EPS8: variants seen among roughly 807,000 people sequenced by gnomAD.
EPS8 encodes EGFR pathway substrate 8, signaling adaptor, also known as epidermal growth factor receptor kinase substrate 8.
Under a neutral mutation model 103.8 loss-of-function variants are expected in EPS8, and 42 were observed. The observed-to-expected ratio is 0.40, with a 90% CI of 0.32 to 0.52. The LOEUF (loss-of-function observed/expected upper bound fraction) is 0.52, where lower values mean the gene tolerates loss of function less well. Ranked by LOEUF, EPS8 falls within the 20% of genes least tolerant of loss-of-function variation. EPS8 has a pLI of 0.40. For missense variants in EPS8, 969 were observed against 1,005.1 expected, an observed-to-expected ratio of 0.96 and a Z score of 0.49; for synonymous variants, 344 against 344.6, an observed-to-expected ratio of 1.00 and a Z score of 0.02.
In EPS8 at chr12:15,760,839, T is replaced by C. The variant is rs1242635936; in HGVS notation, c.-22+28322A>G. 6.6e-6 allele frequency among the ~76,000 whole-genome samples: 1 copy of C among 152,094 alleles called. No individual in the cohort carries two copies. Among genetic ancestry groups the C allele is most frequent in the Non-Finnish European group, 1.5e-5 (1 of 67,962 alleles). On this transcript the variant is annotated intron_variant, in intron 1 of 20. Coordinates refer to ENST00000281172, the MANE Select transcript of EPS8 (RefSeq NM_004447.6). The surrounding 1 kb of genome is among the most constrained non-coding windows in gnomAD (Gnocchi z 4.5). ...CCATATATGACAGTCCCACAACTAGTATCATATTGAATGGGGAAAACCTGA... is the reference window on the plus strand; with the variant it reads ...CCATATATGACAGTCCCACAACTAGCATCATATTGAATGGGGAAAACCTGA...
rs1946306883 is a variant in EPS8 at position 15,701,150 on chromosome 12, G to C, written c.-21-18178C>G. On this transcript the variant is annotated intron_variant, in intron 1 of 20. Transcript: ENST00000281172. The surrounding 1 kb of genome is among the most constrained non-coding windows in gnomAD (Gnocchi z 5.1). ...TAAAAGGTAATTCTTTTCTCTCTCT[G>C]AATCAACTGTGTCACCAATATTTAA... Among the ~76,000 whole-genome samples the C allele has an allele frequency of 6.6e-6, 1 of 152,076 alleles. No individual in the cohort carries two copies. Among genetic ancestry groups the C allele is most frequent in the Non-Finnish European group, 1.5e-5 (1 of 68,016 alleles).
intron 1 of EPS8, among the ~76,000 whole-genome samples, chr12:15,691,524 C>T (rs549668786): frequency 2.6e-5 from 4 of 152,196 alleles, no homozygotes; most frequent in East Asian, 3.9e-4. Context: ...GGGCTGGAAG[C>T]GGGAGACATT....
In EPS8 at chr12:15,761,335, A is replaced by C. The variant is rs764774299; in HGVS notation, c.-22+27826T>G. Among the ~76,000 whole-genome samples, 1 of 152,156 alleles carries C rather than the reference A, an allele frequency of 6.6e-6. No individual in the cohort carries two copies. The highest frequency in any genetic ancestry group is 1.5e-5 in the Non-Finnish European group (1 of 68,012). ...CTATGTTCATGGATTGAAAGAATCA[A>C]TATTGTTAAAATTTCCATACTTCCC... On this transcript the variant is annotated intron_variant, in intron 1 of 20. Transcript: ENST00000281172. The surrounding 1 kb of genome is among the most constrained non-coding windows in gnomAD (Gnocchi z 4.5).
intron 3 of EPS8, among the ~76,000 whole-genome samples, chr12:15,673,855 C>T (rs1054914761): frequency 2.0e-5 from 3 of 152,260 alleles, no homozygotes; most frequent in Non-Finnish European, 2.9e-5. Context: ...CTCTCTTTCT[C>T]GCTCAGAATC....
At chr12:15,651,583 C>A (rs1945415905) in intron 13 of EPS8, among the ~76,000 whole-genome samples, 1 of 152,172 alleles carries the variant, frequency 6.6e-6, no homozygotes, top group East Asian at 1.9e-4. Flanking sequence ...GTAAACTAAT[C>A]TGTAATCACA....
chr12:15,634,808 C>T (rs1056439944), intron 17 of EPS8: 1 of 398,542 alleles, frequency 2.5e-6, no homozygotes. Flanking sequence ...AAAATTAATA[C>T]AGGAAATGGA....
In EPS8 at chr12:15,684,633, A is replaced by T. The variant is rs1946065399; in HGVS notation, c.-21-1661T>A. Reference sequence around the variant, plus strand: ...ATAGTAAGGAATTAAGTCCCAACATATGTAGCTCTATTTTAAATCTGCTAG... The same window carrying T: ...ATAGTAAGGAATTAAGTCCCAACATTTGTAGCTCTATTTTAAATCTGCTAG... On this transcript the variant is annotated intron_variant, in intron 1 of 20. Transcript: ENST00000281172. This position sits in a 1 kb window ranked among gnomAD's most constrained non-coding sequence, Gnocchi z 4.9. 6.6e-6 allele frequency among the ~76,000 whole-genome samples: 1 copy of T among 152,038 alleles called. No individual in the cohort carries two copies. Among genetic ancestry groups the T allele is most frequent in the African/African-American group, 2.4e-5 (1 of 41,312 alleles).
chr12:15,745,651 C>T lies in EPS8; in HGVS notation c.-22+43510G>A, dbSNP rs1028617029. ...CAATCATTGCTAGCAAAATATAGAC[C>T]TCCCATTGTTCACTTTCAAATCCTT... On this transcript the variant is annotated intron_variant, in intron 1 of 20. Transcript: ENST00000281172. This position sits in a 1 kb window ranked among gnomAD's most constrained non-coding sequence, Gnocchi z 4.6. Among the ~76,000 whole-genome samples the T allele has an allele frequency of 6.6e-6, 1 of 151,884 alleles. No individual in the cohort carries two copies. Among genetic ancestry groups the T allele is most frequent in the African/African-American group, 2.4e-5 (1 of 41,350 alleles).
chr12:15,645,970 A>G (rs1043780850), intron 15 of EPS8, among the ~76,000 whole-genome samples: 7 of 152,206 alleles, frequency 4.6e-5, no homozygotes, highest in African/African-American at 1.7e-4. Context: ...GATTTCTAAA[A>G]TATTGACATC....
intron 1 of EPS8, among the ~76,000 whole-genome samples, chr12:15,729,707 G>A (rs879300398): frequency 6.6e-6 from 1 of 152,070 alleles, no homozygotes; most frequent in Admixed American, 6.5e-5. Context: ...AGTGTGTTGT[G>A]TTATCTTCTC....
At chr12:15,624,805 C>T (rs1045193458) in intron 18 of EPS8, among the ~76,000 whole-genome samples, 4 of 152,204 alleles carry the variant, frequency 2.6e-5, no homozygotes, top group Admixed American at 6.5e-5. Context: ...TGGCTCTCAA[C>T]TGGGGACAGT....
intron 15 of EPS8, among the ~76,000 whole-genome samples, chr12:15,646,392 C>T (rs1315617428): frequency 3.3e-5 from 5 of 152,056 alleles, no homozygotes; most frequent in African/African-American, 1.2e-4. Flanking sequence ...TTCTCTATTC[C>T]CAGTTCACTG....
rs1355773287 is a variant in EPS8 at position 15,745,873 on chromosome 12, G to A, written c.-22+43288C>T. On this transcript the variant is annotated intron_variant, in intron 1 of 20. Coordinates refer to ENST00000281172, the MANE Select transcript of EPS8 (RefSeq NM_004447.6). This position sits in a 1 kb window ranked among gnomAD's most constrained non-coding sequence, Gnocchi z 4.6. ...CAAATACGTTGTCCAAATGAAACTAGTTAACATTATTAAACTGAATTACTA... is the reference window on the plus strand; with the variant it reads ...CAAATACGTTGTCCAAATGAAACTAATTAACATTATTAAACTGAATTACTA... Among the ~76,000 whole-genome samples the A allele has an allele frequency of 6.6e-6, 1 of 152,180 alleles. No homozygotes were observed. Among genetic ancestry groups the A allele is most frequent in the Non-Finnish European group, 1.5e-5 (1 of 68,018 alleles).
chr12:15,627,577 T>C (rs1944971218), intron 18 of EPS8, among the ~76,000 whole-genome samples: 1 of 152,128 alleles, frequency 6.6e-6, no homozygotes, highest in Non-Finnish European at 1.5e-5. Context: ...TTTCAATTAG[T>C]AGAATAATTT....
In EPS8 at chr12:15,766,483, C is replaced by T. The variant is rs554507757; in HGVS notation, c.-22+22678G>A. On this transcript the variant is annotated intron_variant, in intron 1 of 20. Transcript: ENST00000281172. Reference sequence around the variant, plus strand: ...ACTGCACTCCAGCCTGGTGACAGAGCGAGACTCCATCTCAAAAAAAAAAAA... The same window carrying T: ...ACTGCACTCCAGCCTGGTGACAGAGTGAGACTCCATCTCAAAAAAAAAAAA... 2.1e-4 allele frequency among the ~76,000 whole-genome samples: 29 copies of T among 141,108 alleles called. 1 individual carries two copies. The South Asian group carries it at 5.8e-3, about 28-fold the overall frequency. The allele number at this position is 141,108 out of a possible 152,430, so 92.6% of individuals were successfully genotyped here. A position where few individuals can be genotyped will look rare whatever the true frequency, so the allele number is the denominator to read the frequency against.
chr12:15,679,869 G>T (rs1188565166), intron 3 of EPS8, among the ~76,000 whole-genome samples: 1 of 152,138 alleles, frequency 6.6e-6, no homozygotes, highest in Non-Finnish European at 1.5e-5. Context: ...ATAAATATCT[G>T]TCTAGAAATG....
rs1946227245 is a variant in EPS8, at chr12:15,695,282, G to C, written c.-21-12310C>G. Among the ~76,000 whole-genome samples the C allele has an allele frequency of 1.3e-5, 2 of 152,190 alleles. No individual in the cohort carries two copies. The highest frequency in any genetic ancestry group is 2.4e-5 in the African/African-American group (1 of 41,448). ...CTTTTAAACATGATTATTCAAACAA[G>C]ATTCATTCAACATTAATTGGCACCT... is the stretch of plus-strand genomic sequence containing the variant. On this transcript the variant is annotated intron_variant, in intron 1 of 20. Coordinates refer to ENST00000281172, the MANE Select transcript of EPS8 (RefSeq NM_004447.6). The surrounding 1 kb of genome is among the most constrained non-coding windows in gnomAD (Gnocchi z 5.0).
chr12:15,784,670 C>T lies in EPS8; in HGVS notation c.-22+4491G>A, dbSNP rs927780135. On this transcript the variant is annotated intron_variant, in intron 1 of 20. Transcript: ENST00000281172. This position sits in a 1 kb window ranked among gnomAD's most constrained non-coding sequence, Gnocchi z 4.0. ...CAACGGATATAAGAACTTATGTCTA[C>T]CCAAAAACCTGCATGTGAATATTCA... is the stretch of plus-strand genomic sequence containing the variant. 6.6e-6 allele frequency among the ~76,000 whole-genome samples: 1 copy of T among 152,130 alleles called. No homozygotes were observed. The highest frequency in any genetic ancestry group is 2.4e-5 in the African/African-American group (1 of 41,452).
At chr12:15,640,401 A>C (rs951355110) in intron 17 of EPS8, among the ~76,000 whole-genome samples, 1 of 152,184 alleles carries the variant, frequency 6.6e-6, no homozygotes, top group Non-Finnish European at 1.5e-5. Context: ...TGTGGGTAAA[A>C]AGACAGAAAT....
Sources: allele counts gnomAD v4.1 joint callset (sites outside exome capture counted in the v4.1 genomes callset), GRCh38; gene constraint gnomAD v4.1.1; non-coding constraint Gnocchi (gnomAD v3.1); transcripts MANE v1.5; gene names NCBI Gene and HGNC (gene_info 2026-07-23, HGNC 2026-07-21).